Variants in SUCLA2 observed in about 807,000 individuals in gnomAD.
SUCLA2 encodes succinate--CoA ligase [ADP-forming] subunit beta, mitochondrial.
A neutral mutation model predicts 54.8 loss-of-function variants in SUCLA2; 30 were observed. That is an observed-to-expected ratio of 0.55 (90% CI 0.41 to 0.74). The LOEUF (loss-of-function observed/expected upper bound fraction) is 0.74. Among genes scored for constraint, SUCLA2 ranks in the 30% least tolerant of loss-of-function variants. SUCLA2 has a pLI of 0.00. For missense variants in SUCLA2, 476 were observed against 562.9 expected (o/e 0.85, Z 1.56); for synonymous variants, 172 against 188.9 (o/e 0.91, Z 0.74).
chr13:47,980,646 C>A (rs866121446), intron 4 of SUCLA2, among the ~76,000 whole-genome samples: 1 of 149,804 alleles, frequency 6.7e-6, no homozygotes, highest in Non-Finnish European at 1.5e-5. Flanking sequence ...AAAACAATCT[C>A]GAGAAAAAAA....
chr13:47,965,834 G>A (rs9634678), intron 6 of SUCLA2, among the ~76,000 whole-genome samples: 12,888 of 152,280 alleles, frequency 0.085, 725 homozygotes, highest in South Asian at 0.18. Context: ...AGATCACGAA[G>A]TCAGGAGATC....
chr13:47,952,349 C>T (rs1246166540), intron 8 of SUCLA2, among the ~76,000 whole-genome samples: 1 of 152,116 alleles, frequency 6.6e-6, no homozygotes, highest in Non-Finnish European at 1.5e-5. Flanking sequence ...CTTGGTTCCT[C>T]ATCTCACTTG....
intron 5 of SUCLA2, among the ~76,000 whole-genome samples, chr13:47,972,918 T>C (rs1260106249): frequency 6.6e-6 from 1 of 151,206 alleles, no homozygotes; most frequent in African/African-American, 2.4e-5. Context: ...CGGCTAATTT[T>C]TTTTGTATTT....
rs182987275 is a variant in SUCLA2, at chr13:47,989,121, C to T, written c.272-140G>A. The T allele has an allele frequency of 1.3e-3, 1,050 of 807,432 alleles. 5 individuals carry two copies. In the African/African-American group the frequency reaches 0.016, roughly 12 times the overall value. The allele number at this position is 807,432 out of a possible 1,614,324, so 50.0% of individuals were successfully genotyped here. Reference sequence around the variant, plus strand: ...ACAATGTCCAAAAATAAGGCATTCTCTTTATGTAGATTTTCTAGATTAGAA... The same window carrying T: ...ACAATGTCCAAAAATAAGGCATTCTTTTTATGTAGATTTTCTAGATTAGAA... On this transcript the variant is annotated intron_variant, in intron 2 of 10. Transcript: ENST00000646932.
chr13:47,998,270 C>T (rs1950204416), intron 1 of SUCLA2, among the ~76,000 whole-genome samples: 1 of 148,156 alleles, frequency 6.7e-6, no homozygotes, highest in East Asian at 2.0e-4. Context: ...GAGCAAGACC[C>T]TGTCTAAAAA....
At chr13:47,957,535 C>T (rs1949831109) in intron 6 of SUCLA2, among the ~76,000 whole-genome samples, 1 of 152,160 alleles carries the variant, frequency 6.6e-6, no homozygotes, top group Non-Finnish European at 1.5e-5. Flanking sequence ...TCCTGATTGC[C>T]TCATTAGAAC....
intron 6 of SUCLA2, among the ~76,000 whole-genome samples, chr13:47,961,707 TTC>T (rs147873307): frequency 0.096 from 14,574 of 152,258 alleles, 804 homozygotes; most frequent in South Asian, 0.18. Flanking sequence ...ATTCCTGAAA[TTC>T]TGATGTGTCT....
At chr13:47,970,202 T>G (rs1949951424) in intron 5 of SUCLA2, among the ~76,000 whole-genome samples, 1 of 151,952 alleles carries the variant, frequency 6.6e-6, no homozygotes, top group Non-Finnish European at 1.5e-5. Flanking sequence ...TATGAAAGTT[T>G]TTCACTATGT....
Position 47,948,956 on chromosome 13 carries a change from T to C in SUCLA2, c.1301A>G (p.Asp434Gly). 2 of 1,613,860 alleles carry C rather than the reference T, an allele frequency of 1.2e-6. No homozygotes were observed. Among genetic ancestry groups the C allele is most frequent in the Non-Finnish European group, 1.7e-6 (2 of 1,179,788 alleles). ...CCAATTTACCATTCTAGCAGCTTCA[T>C]CCAAGTCATCACAAGCAAGTATTTT... ...GLKILACDDLDEAARMVVKLS... is the reference protein window; with the variant it reads ...GLKILACDDLGEAARMVVKLS... The change falls in exon 10 of 11, where the codon GAT becomes GGT. Residue 434 changes from aspartate (D) to glycine (G), a missense_variant. Asp to Gly is a moderately conservative substitution (Grantham distance 94, BLOSUM62 -1). Coordinates refer to ENST00000646932, the MANE Select transcript of SUCLA2 (RefSeq NM_003850.3).
intron 10 of SUCLA2, among the ~76,000 whole-genome samples, chr13:47,946,896 C>G (rs1187608313): frequency 6.6e-6 from 1 of 152,066 alleles, no homozygotes; most frequent in African/African-American, 2.4e-5. Flanking sequence ...TTGAAAATAT[C>G]AGTATGAACT....
intron 10 of SUCLA2, among the ~76,000 whole-genome samples, chr13:47,943,756 G>GTATATATATATATA (rs760716282): frequency 8.3e-6 from 1 of 120,536 alleles, no homozygotes; most frequent in Non-Finnish European, 1.7e-5. Flanking sequence ...GTGTGTGTGT[G>GTATATATATATATA]TGTGTGTGTG....
chr13:47,964,409 T>C (rs1013699314), intron 6 of SUCLA2, among the ~76,000 whole-genome samples: 12 of 152,190 alleles, frequency 7.9e-5, no homozygotes, highest in African/African-American at 2.9e-4. Context: ...CAAATCTATG[T>C]ATGGAATAAA....
At chr13:47,979,492 TG>T (rs1322288748) in intron 4 of SUCLA2, among the ~76,000 whole-genome samples, 2 of 150,062 alleles carry the variant, frequency 1.3e-5, no homozygotes, top group African/African-American at 4.9e-5. Flanking sequence ...TGTCGGGGGG[TG>T]GGGGGCTAGG....
intron 4 of SUCLA2, among the ~76,000 whole-genome samples, chr13:47,983,222 T>C (rs567780583): frequency 2.6e-5 from 4 of 152,356 alleles, no homozygotes; most frequent in African/African-American, 9.6e-5. Flanking sequence ...GATGGTTTAA[T>C]TTTCAGTTCC....
intron 10 of SUCLA2, among the ~76,000 whole-genome samples, chr13:47,947,292 C>CAA (rs1206877316): frequency 1.3e-5 from 2 of 151,886 alleles, no homozygotes; most frequent in African/African-American, 4.8e-5. Flanking sequence ...CACACACACA[C>CAA]ACACACACCT....
At chr13:47,985,922 T>C (rs752776758) in intron 4 of SUCLA2, among the ~76,000 whole-genome samples, 6 of 152,150 alleles carry the variant, frequency 3.9e-5, no homozygotes, top group African/African-American at 1.4e-4. Context: ...TTTTTAATGA[T>C]AGCCACCTGA....
intron 4 of SUCLA2, among the ~76,000 whole-genome samples, chr13:47,984,169 A>T (rs76095704): frequency 0.011 from 1,621 of 152,172 alleles, 10 homozygotes; most frequent in Non-Finnish European, 0.016. Flanking sequence ...TGAAATTTCA[A>T]ATATATTAAT....
chr13:47,965,197 G>A (rs1245445212), intron 6 of SUCLA2, among the ~76,000 whole-genome samples: 3 of 151,886 alleles, frequency 2.0e-5, no homozygotes, highest in African/African-American at 7.2e-5. Flanking sequence ...GAATGATGTA[G>A]TTAGAAAATC....
intron 4 of SUCLA2, chr13:47,988,112 T>TA (rs796167254): frequency 0.049 from 7,657 of 155,436 alleles, 324 homozygotes; most frequent in African/African-American, 0.13. Flanking sequence ...CCGAAACTAT[T>TA]AAAAAAAAAA....
Sources: allele counts gnomAD v4.1 joint callset (sites outside exome capture counted in the v4.1 genomes callset), GRCh38; gene constraint gnomAD v4.1.1; transcripts MANE v1.5; gene names NCBI Gene and HGNC (gene_info 2026-07-23, HGNC 2026-07-21).